Variants in BCL7A observed in about 807,000 individuals in gnomAD.
The protein encoded by BCL7A is B-cell CLL/lymphoma 7 protein family member A.
Under a neutral mutation model 28.4 loss-of-function variants are expected in BCL7A, and 11 were observed. That is an observed-to-expected ratio of 0.39 (90% CI 0.24 to 0.64). The LOEUF is 0.64. Ranked by LOEUF, BCL7A falls within the 30% of genes least tolerant of loss-of-function variation. The pLI is 0.50. For synonymous variants in BCL7A, 123 were observed against 103.3 expected, an observed-to-expected ratio of 1.19 and a Z score of -1.15; for missense variants, 222 against 274.8, an observed-to-expected ratio of 0.81 and a Z score of 1.36.
intron 4 of BCL7A, among the ~76,000 whole-genome samples, chr12:122,051,730 C>G (rs1884194863): frequency 6.6e-6 from 1 of 152,152 alleles, no homozygotes; most frequent in Non-Finnish European, 1.5e-5. Flanking sequence ...GCCTGCTGTG[C>G]CCGGCAGAAA....
intron 3 of BCL7A, among the ~76,000 whole-genome samples, chr12:122,038,822 G>A (rs1244944275): frequency 6.6e-6 from 1 of 152,172 alleles, no homozygotes; most frequent in Non-Finnish European, 1.5e-5. Flanking sequence ...GTAGAATGGG[G>A]ATGGTAATGC....
chr12:122,044,072 T>A lies in BCL7A; in HGVS notation c.439+19T>A. The A allele has an allele frequency of 6.2e-7, 1 of 1,601,736 alleles. No individual in the cohort carries two copies. Among genetic ancestry groups the A allele is most frequent in the Non-Finnish European group, 8.5e-7 (1 of 1,172,742 alleles). On this transcript the variant is annotated intron_variant, in intron 4 of 5. Coordinates refer to ENST00000261822, the MANE Select transcript of BCL7A (RefSeq NM_001024808.3). Reference sequence around the variant, plus strand: ...GCTGAAGGTATGTGGCCTCTGGAGGTGGGGCTCTGACGGCCTCCCTGTAAC... The same window carrying A: ...GCTGAAGGTATGTGGCCTCTGGAGGAGGGGCTCTGACGGCCTCCCTGTAAC...
At chr12:122,058,054 G>A (rs572341829) in intron 5 of BCL7A, among the ~76,000 whole-genome samples, 4 of 151,736 alleles carry the variant, frequency 2.6e-5, no homozygotes, top group South Asian at 2.1e-4. Flanking sequence ...AAAATCATCC[G>A]GGCATGGTGG....
At chr12:122,049,048 A>ATG (rs1884137323) in intron 4 of BCL7A, among the ~76,000 whole-genome samples, 2 of 132,336 alleles carry the variant, frequency 1.5e-5, no homozygotes, top group Non-Finnish European at 3.2e-5. Context: ...ATATATATAT[A>ATG]TATATACATA....
At position 122,022,106 on chromosome 12, in the gene BCL7A, G is replaced by A. The variant is rs1292698910; in HGVS notation, c.15G>A (p.Ser5=). The change falls in exon 1 of 6, where the codon TCG becomes TCA. Residue 5 remains serine (S), a synonymous_variant. Transcript: ENST00000261822. MSGR[S]VRAETRSRAK... ...CCGCCGGAACCATGTCGGGCAGGTC[G>A]GTTCGAGCCGAGACGAGGAGCCGGG... The A allele has an allele frequency of 6.4e-7, 1 of 1,573,500 alleles. No individual in the cohort carries two copies. Among genetic ancestry groups the A allele is most frequent in the Non-Finnish European group, 8.6e-7 (1 of 1,159,036 alleles).
chr12:122,032,159 C>T (rs982974001), intron 2 of BCL7A, among the ~76,000 whole-genome samples: 4 of 152,224 alleles, frequency 2.6e-5, no homozygotes, highest in African/African-American at 4.8e-5. Flanking sequence ...GTTATCTGCC[C>T]GGCAAGTCTT....
chr12:122,044,989 T>A (rs985179636), intron 4 of BCL7A, among the ~76,000 whole-genome samples: 1 of 152,182 alleles, frequency 6.6e-6, no homozygotes, highest in Admixed American at 6.6e-5. Context: ...GGGCGGCCTT[T>A]GAATAAGACA....
chr12:122,022,769 C>A (rs1375828968), intron 1 of BCL7A, among the ~76,000 whole-genome samples: 1 of 151,182 alleles, frequency 6.6e-6, no homozygotes, highest in South Asian at 2.1e-4. Flanking sequence ...AGAGCGCGAG[C>A]CGTTTAAATT....
At chr12:122,022,807 G>A (rs1883497670) in intron 1 of BCL7A, among the ~76,000 whole-genome samples, 1 of 151,776 alleles carries the variant, frequency 6.6e-6, no homozygotes, top group African/African-American at 2.4e-5. Flanking sequence ...TGGAGCGAGG[G>A]CTCTCGGCGA....
chr12:122,026,808 C>T (rs910016883), intron 1 of BCL7A, among the ~76,000 whole-genome samples: 5 of 152,204 alleles, frequency 3.3e-5, no homozygotes, highest in Non-Finnish European at 5.9e-5. Flanking sequence ...GTGGGTAACC[C>T]TAAGATGGTC....
rs1340630883 is a variant in BCL7A at position 122,021,959 on chromosome 12, AGT to A, written c.-127_-126del. The A allele has an allele frequency of 9.3e-6, 5 of 537,030 alleles. No homozygotes were observed. Among genetic ancestry groups the A allele is most frequent in the Admixed American group, 5.9e-5 (2 of 33,618 alleles). 33.3% of individuals were successfully genotyped at this position (537,030 alleles called of 1,614,324 possible). A position where few individuals can be genotyped will look rare whatever the true frequency, so the allele number is the denominator to read the frequency against. On this transcript the variant is annotated 5_prime_UTR_variant, in exon 1 of 6. Transcript: ENST00000261822. ...GTGTGTGTGTGTGTGTGTGTGTGTGAGTGTGTGCGTGTGAGAGTGCGAGTGTC... is the reference window on the plus strand; with the variant it reads ...GTGTGTGTGTGTGTGTGTGTGTGTGAGTGTGCGTGTGAGAGTGCGAGTGTC...
At chr12:122,045,768 A>G (rs1330665548) in intron 4 of BCL7A, among the ~76,000 whole-genome samples, 6 of 152,018 alleles carry the variant, frequency 3.9e-5, no homozygotes, top group Non-Finnish European at 1.5e-5. Flanking sequence ...TCATCCCTAA[A>G]CATGTCAGCA....
At chr12:122,047,971 T>C (rs1338648681) in intron 4 of BCL7A, among the ~76,000 whole-genome samples, 1 of 145,534 alleles carries the variant, frequency 6.9e-6, no homozygotes, top group Non-Finnish European at 1.5e-5. Context: ...TGGTGCAACC[T>C]TGGTTCACCA....
intron 4 of BCL7A, among the ~76,000 whole-genome samples, chr12:122,051,552 G>A (rs956872598): frequency 6.6e-6 from 1 of 152,200 alleles, no homozygotes; most frequent in Non-Finnish European, 1.5e-5. Flanking sequence ...ATGCTCTGTG[G>A]GTTCCAAGGC....
At position 122,054,789 on chromosome 12, in the gene BCL7A, C is replaced by T. The variant is rs1884274892; in HGVS notation, c.440-16C>T. ...CGTGTCTGAAAACAGCTCCTGTCGT[C>T]TTGCTCTTCCCTCAGATGCTTCTGA... On this transcript the variant is annotated splice_polypyrimidine_tract_variant and intron_variant, in intron 4 of 5. Transcript: ENST00000261822. 2 of 1,610,478 alleles carry T rather than the reference C, an allele frequency of 1.2e-6. No individual in the cohort carries two copies. Among genetic ancestry groups the T allele is most frequent in the Non-Finnish European group, 1.7e-6 (2 of 1,177,466 alleles).
intron 5 of BCL7A, among the ~76,000 whole-genome samples, chr12:122,057,993 C>T (rs1951889812): frequency 6.6e-6 from 1 of 151,538 alleles, no homozygotes; most frequent in African/African-American, 2.4e-5. Context: ...AGTTCAAGAC[C>T]AGCCTGGGCA....
At position 122,058,001 on chromosome 12, in the gene BCL7A, G is replaced by A. The variant is rs568513021; in HGVS notation, c.562-1091G>A. On this transcript the variant is annotated intron_variant, in intron 5 of 5. Transcript: ENST00000261822. ...GCCCGGGAGTTCAAGACCAGCCTGG[G>A]CAGCATAGCAAGACCCCATCTCTAC... is the stretch of plus-strand genomic sequence containing the variant. Among the ~76,000 whole-genome samples, 24 of 151,644 alleles carry A rather than the reference G, an allele frequency of 1.6e-4. 2 individuals carry two copies. The East Asian group carries it at 4.5e-3, about 28-fold the overall frequency.
intron 5 of BCL7A, among the ~76,000 whole-genome samples, chr12:122,055,378 G>A (rs908096427): frequency 2.6e-5 from 4 of 152,208 alleles, no homozygotes; most frequent in African/African-American, 9.6e-5. Flanking sequence ...ATCACTCTGT[G>A]TTGGAATCTG....
intron 4 of BCL7A, among the ~76,000 whole-genome samples, chr12:122,051,064 G>A (rs1884182706): frequency 6.6e-6 from 1 of 152,174 alleles, no homozygotes; most frequent in African/African-American, 2.4e-5. Flanking sequence ...GGGGGTGTGT[G>A]TCTCCTTTGC....
Sources: gnomAD v4.1 joint callset for allele counts (sites outside exome capture counted in the v4.1 genomes callset) on GRCh38, gnomAD v4.1.1 for gene constraint, MANE v1.5 for transcripts, NCBI Gene and HGNC (gene_info 2026-07-23, HGNC 2026-07-21) for gene names.